Variants in KAZN observed in about 807,000 individuals in gnomAD.
KAZN encodes the protein kazrin.
In KAZN, 40 loss-of-function variants were observed where a neutral mutation model predicts 87.4. The ratio of observed to expected loss-of-function variants is 0.46; its 90% CI spans 0.36 to 0.60. KAZN has a LOEUF of 0.60. Among genes scored for constraint, KAZN ranks in the 20% least tolerant of loss-of-function variants. The pLI is 0.00. For synonymous variants in KAZN, 466 were observed against 458.3 expected (o/e 1.02, Z -0.22); for missense variants, 898 against 1,073.9 (o/e 0.84, Z 2.29).
chr1:14,941,867 C>G (rs12743836), intron 1 of KAZN, among the ~76,000 whole-genome samples: 16,395 of 152,172 alleles, frequency 0.11, 1,044 homozygotes, highest in Middle Eastern at 0.15. Context: ...TCCCAGGCAT[C>G]AGGATGAGAG....
chr1:14,192,822 A>G (rs1646448414), intron 2 of KAZN, among the ~76,000 whole-genome samples: 1 of 152,222 alleles, frequency 6.6e-6, no homozygotes, highest in Non-Finnish European at 1.5e-5. Context: ...CTTCAAGAAT[A>G]GCTATGTTGA....
At chr1:14,878,733 T>C (rs1477759243) in intron 1 of KAZN, among the ~76,000 whole-genome samples, 1 of 152,214 alleles carries the variant, frequency 6.6e-6, no homozygotes, top group African/African-American at 2.4e-5. Context: ...TTTTGCGGCC[T>C]CTTGTCTGGC....
At chr1:14,858,196 C>CTTTTTT (rs1241331793) in intron 1 of KAZN, among the ~76,000 whole-genome samples, 2 of 115,256 alleles carry the variant, frequency 1.7e-5, no homozygotes, top group South Asian at 2.7e-4. Flanking sequence ...TTCTTTTTTT[C>CTTTTTT]TTTTTTCTTT....
chr1:14,361,906 G>A (rs1228257662), intron 2 of KAZN, among the ~76,000 whole-genome samples: 1 of 152,194 alleles, frequency 6.6e-6, no homozygotes, highest in Non-Finnish European at 1.5e-5. Flanking sequence ...ACCTCGTAGG[G>A]TGAAGAAAGG....
intron 2 of KAZN, among the ~76,000 whole-genome samples, chr1:14,394,042 C>CTGCTTCAG (rs1199907039): frequency 6.6e-6 from 1 of 152,134 alleles, no homozygotes; most frequent in African/African-American, 2.4e-5. Context: ...TGCTGTGCAG[C>CTGCTTCAG]TGCTTCAGGC....
Position 15,077,041 on chromosome 1 carries a change from C to T in KAZN, c.1222+11288C>T, listed in dbSNP as rs1243963266. ...CGTGCTGTAGCAAAAGGAAGCAGCTCTGCTCACTCCAGCGAGGCTGCTCGG... is the reference window on the plus strand; with the variant it reads ...CGTGCTGTAGCAAAAGGAAGCAGCTTTGCTCACTCCAGCGAGGCTGCTCGG... On this transcript the variant is annotated intron_variant, in intron 8 of 14. Transcript: ENST00000376030. The surrounding 1 kb of genome is among the most constrained non-coding windows in gnomAD (Gnocchi z 4.8). Among the ~76,000 whole-genome samples, 1 of 152,250 alleles carries T rather than the reference C, an allele frequency of 6.6e-6. No homozygotes were observed. Among genetic ancestry groups the T allele is most frequent in the Non-Finnish European group, 1.5e-5 (1 of 68,046 alleles).
At position 14,629,858 on chromosome 1, in the gene KAZN, G is replaced by A. The variant is rs112781152; in HGVS notation, c.226+30635G>A. ...AAGGAAGCTGCACACCCTGGGGCTA[G>A]GGCTGGAGAAAACCCGGCAGCCTGC... is the stretch of plus-strand genomic sequence containing the variant. On this transcript the variant is annotated intron_variant, in intron 1 of 14. Coordinates refer to ENST00000376030, the MANE Select transcript of KAZN (RefSeq NM_201628.3). Among the ~76,000 whole-genome samples the A allele has an allele frequency of 9.2e-3, 1,396 of 152,224 alleles. 23 individuals carry two copies. The highest frequency in any genetic ancestry group is 0.031 in the African/African-American group (1,271 of 41,540).
chr1:14,163,942 C>G (rs964736295), intron 1 of KAZN, among the ~76,000 whole-genome samples: 2 of 152,134 alleles, frequency 1.3e-5, no homozygotes, highest in Non-Finnish European at 2.9e-5. Flanking sequence ...CTGTGAGGAC[C>G]AACAGGATTC....
intron 1 of KAZN, among the ~76,000 whole-genome samples, chr1:14,060,849 G>T (rs1642766529): frequency 6.6e-6 from 1 of 152,140 alleles, no homozygotes; most frequent in African/African-American, 2.4e-5. Flanking sequence ...GGGCAAATTG[G>T]GATGTTTGGT....
chr1:14,422,103 C>G (rs963278164), intron 2 of KAZN, among the ~76,000 whole-genome samples: 2 of 152,190 alleles, frequency 1.3e-5, no homozygotes, highest in Non-Finnish European at 2.9e-5. Context: ...GCAAAGGAGC[C>G]TGGTCAGCCA....
intron 2 of KAZN, among the ~76,000 whole-genome samples, chr1:14,294,743 A>G (rs934860586): frequency 1.3e-4 from 19 of 150,472 alleles, no homozygotes; most frequent in Non-Finnish European, 2.4e-4. Flanking sequence ...TACCACCAAT[A>G]TAAAATGCCT....
chr1:14,213,739 T>TG (rs1646902605), intron 2 of KAZN, among the ~76,000 whole-genome samples: 1 of 152,072 alleles, frequency 6.6e-6, no homozygotes, highest in South Asian at 2.1e-4. Context: ...CTGACTATGT[T>TG]GGGGGGAGAC....
At chr1:14,746,328 C>T (rs1396931122) in intron 1 of KAZN, among the ~76,000 whole-genome samples, 1 of 152,128 alleles carries the variant, frequency 6.6e-6, no homozygotes, top group African/African-American at 2.4e-5. Context: ...ACTTATTTAA[C>T]ATGTTACTGA....
chr1:14,914,364 C>T (rs890535342), intron 1 of KAZN, among the ~76,000 whole-genome samples: 2 of 152,208 alleles, frequency 1.3e-5, no homozygotes, highest in African/African-American at 2.4e-5. Flanking sequence ...GAAAAGCCAG[C>T]TTTGTCTTTG....
Position 14,189,120 on chromosome 1 carries a change from A to G in KAZN, c.249+8528A>G, listed in dbSNP as rs181882949. Among the ~76,000 whole-genome samples, 420 of 152,282 alleles carry G rather than the reference A, an allele frequency of 2.8e-3. 3 individuals are homozygous for G. The highest frequency in any genetic ancestry group is 9.6e-3 in the African/African-American group (399 of 41,566). ...TGGTGCCAACTCGAGCCAATAGCCC[A>G]TGTTCCTTCATTCCTTGTCTTTGAG... On this transcript the variant is annotated intron_variant, in intron 2 of 16. Coordinates refer to the KAZN transcript ENST00000636203.
At chr1:14,890,840 CTTTTTTTTTTTTT>C (rs34718502) in intron 1 of KAZN, among the ~76,000 whole-genome samples, 4 of 69,676 alleles carry the variant, frequency 5.7e-5, no homozygotes, top group African/African-American at 2.4e-4. Context: ...GGAATCTGGA[CTTTTTTTTTTTTT>C]TTTTTTTTTT....
At chr1:14,441,810 G>T (rs1480614080) in intron 2 of KAZN, among the ~76,000 whole-genome samples, 1 of 152,190 alleles carries the variant, frequency 6.6e-6, no homozygotes, top group African/African-American at 2.4e-5. Context: ...AAAAGAAATT[G>T]TTGAAATAAA....
chr1:14,747,118 T>G (rs1217327609), intron 1 of KAZN, among the ~76,000 whole-genome samples: 1 of 152,186 alleles, frequency 6.6e-6, no homozygotes, highest in Non-Finnish European at 1.5e-5. Context: ...TCACGTAACA[T>G]ATTGTCCTCA....
chr1:14,824,643 C>T (rs1455501109), intron 1 of KAZN, among the ~76,000 whole-genome samples: 2 of 152,204 alleles, frequency 1.3e-5, no homozygotes, highest in African/African-American at 2.4e-5. Context: ...AGAACATGGG[C>T]GCCATTCCAG....
Sources: gnomAD v4.1 joint callset for allele counts (sites outside exome capture counted in the v4.1 genomes callset) on GRCh38, gnomAD v4.1.1 for gene constraint, Gnocchi (gnomAD v3.1) non-coding constraint, MANE v1.5 for transcripts, NCBI Gene and HGNC (gene_info 2026-07-23, HGNC 2026-07-21) for gene names.